The following SLC35F1 variants were observed in gnomAD, a reference collection of about 807,000 sequenced individuals.
SLC35F1 encodes the protein solute carrier family 35 member F1.
In SLC35F1, 14 loss-of-function variants were observed where a neutral mutation model predicts 48.7. That is an observed-to-expected ratio of 0.29 (90% CI 0.19 to 0.45). The LOEUF is 0.45. SLC35F1 is among the 20% of genes least tolerant of loss of function. The pLI, the probability that SLC35F1 is intolerant of heterozygous loss-of-function variation, is 1.00. For synonymous variants in SLC35F1, 190 were observed against 202.2 expected (o/e 0.94, Z 0.51); for missense variants, 404 against 500.0 (o/e 0.81, Z 1.83).
At chr6:118,206,932 A>G (rs1232427455) in intron 2 of SLC35F1, among the ~76,000 whole-genome samples, 1 of 151,860 alleles carries the variant, frequency 6.6e-6, no homozygotes, top group East Asian at 1.9e-4. Context: ...GAACAACTGA[A>G]TTGTCTTAGT....
chr6:118,211,824 A>T (rs770847857), intron 2 of SLC35F1, among the ~76,000 whole-genome samples: 11 of 152,216 alleles, frequency 7.2e-5, no homozygotes, highest in Non-Finnish European at 1.6e-4. Flanking sequence ...TTGATGCATT[A>T]CCTAAATAAT....
chr6:117,956,572 T>C lies in SLC35F1; in HGVS notation c.173+48673T>C, dbSNP rs142395053. ...TTGATAAAACTCGAGGTTGAAAGCATGACTGTTCCTTTGTGTAAGTGCATC... is the reference window on the plus strand; with the variant it reads ...TTGATAAAACTCGAGGTTGAAAGCACGACTGTTCCTTTGTGTAAGTGCATC... On this transcript the variant is annotated intron_variant, in intron 1 of 7. Coordinates refer to ENST00000360388, the MANE Select transcript of SLC35F1 (RefSeq NM_001029858.4). Among the ~76,000 whole-genome samples the C allele has an allele frequency of 2.7e-3, 412 of 152,358 alleles. 1 individual carries two copies. The highest frequency in any genetic ancestry group is 9.7e-3 in the African/African-American group (402 of 41,588).
intron 2 of SLC35F1, among the ~76,000 whole-genome samples, chr6:118,181,524 A>T (rs1284942809): frequency 6.6e-6 from 1 of 152,128 alleles, no homozygotes; most frequent in Non-Finnish European, 1.5e-5. Flanking sequence ...GAGAAGGGAA[A>T]ATGTGCAGCA....
intron 2 of SLC35F1, among the ~76,000 whole-genome samples, chr6:118,204,301 C>T (rs756213415): frequency 1.3e-5 from 2 of 151,898 alleles, no homozygotes; most frequent in African/African-American, 2.4e-5. Context: ...GAGTGATACA[C>T]GATGAAGACG....
intron 2 of SLC35F1, among the ~76,000 whole-genome samples, chr6:118,223,209 G>A (rs982956909): frequency 1.3e-5 from 2 of 152,148 alleles, no homozygotes; most frequent in African/African-American, 4.8e-5. Flanking sequence ...TTTTTATGGT[G>A]AATACTTTAT....
chr6:118,228,193 A>T (rs1486950748), intron 2 of SLC35F1, among the ~76,000 whole-genome samples: 1 of 152,216 alleles, frequency 6.6e-6, no homozygotes, highest in Non-Finnish European at 1.5e-5. Context: ...TCTGTATTTC[A>T]TCCTTCACTC....
chr6:118,273,403 T>C (rs1334473925), intron 4 of SLC35F1, among the ~76,000 whole-genome samples: 2 of 152,134 alleles, frequency 1.3e-5, no homozygotes, highest in Non-Finnish European at 2.9e-5. Flanking sequence ...TAACCAAGAG[T>C]TATATTATGC....
chr6:118,014,977 A>G (rs1376622629), intron 1 of SLC35F1, among the ~76,000 whole-genome samples: 2 of 152,184 alleles, frequency 1.3e-5, no homozygotes, highest in Non-Finnish European at 2.9e-5. Flanking sequence ...GGAGGGACCC[A>G]GCTAAAGATA....
At chr6:118,265,168 G>T (rs1177418150) in intron 3 of SLC35F1, among the ~76,000 whole-genome samples, 1 of 152,208 alleles carries the variant, frequency 6.6e-6, no homozygotes, top group Admixed American at 6.5e-5. Flanking sequence ...AAAGCTTTGG[G>T]GATAGAGGGG....
chr6:118,153,384 A>G (rs985095058), intron 1 of SLC35F1, among the ~76,000 whole-genome samples: 3 of 152,252 alleles, frequency 2.0e-5, no homozygotes, highest in African/African-American at 7.2e-5. Context: ...GTGAACATGT[A>G]TCGAAACATG....
Position 118,049,533 on chromosome 6 carries a change from C to G in SLC35F1, c.174-104912C>G, listed in dbSNP as rs530170890. On this transcript the variant is annotated intron_variant, in intron 1 of 7. Coordinates refer to ENST00000360388, the MANE Select transcript of SLC35F1 (RefSeq NM_001029858.4). ...AAATTTACAAGAAAAAAACAAACAA[C>G]CCCATCAAAAAGTGGGCAAAGGATA... Among the ~76,000 whole-genome samples, 49 of 151,838 alleles carry G rather than the reference C, an allele frequency of 3.2e-4. No individual in the cohort carries two copies. The East Asian group carries it at 8.7e-3, about 27-fold the overall frequency.
chr6:118,012,582 T>G (rs1001654331), intron 1 of SLC35F1, among the ~76,000 whole-genome samples: 6 of 152,170 alleles, frequency 3.9e-5, no homozygotes, highest in African/African-American at 1.4e-4. Flanking sequence ...TTGCTAAGTG[T>G]CTCCTGGCAA....
chr6:118,141,750 G>A (rs205971), intron 1 of SLC35F1, among the ~76,000 whole-genome samples: 121,210 of 152,026 alleles, frequency 0.8, 48,518 homozygotes, highest in South Asian at 0.9. Flanking sequence ...ACATATGAAT[G>A]TTGGGAAGAA....
intron 2 of SLC35F1, among the ~76,000 whole-genome samples, chr6:118,213,279 T>C (rs989283671): frequency 1.3e-5 from 2 of 152,228 alleles, no homozygotes; most frequent in African/African-American, 4.8e-5. Context: ...TTTTTTCTAG[T>C]CTTTATCACA....
intron 1 of SLC35F1, among the ~76,000 whole-genome samples, chr6:117,949,851 C>T (rs11754631): frequency 0.57 from 86,589 of 151,860 alleles, 26,793 homozygotes; most frequent in South Asian, 0.81. Flanking sequence ...CTCTCTGTCT[C>T]GGGGATAACT....
At chr6:117,923,668 C>T (rs1460910240) in intron 1 of SLC35F1, among the ~76,000 whole-genome samples, 1 of 32,724 alleles carries the variant, frequency 3.1e-5, no homozygotes, top group African/African-American at 1.5e-4. Context: ...TGTATATATA[C>T]ATATATGTAC....
intron 1 of SLC35F1, among the ~76,000 whole-genome samples, chr6:117,948,149 T>A (rs564103623): frequency 2.0e-5 from 3 of 152,352 alleles, no homozygotes; most frequent in Admixed American, 1.3e-4. Flanking sequence ...CAGGAAAATG[T>A]TCATAAATGA....
chr6:118,286,700 A>C (rs1389446109), intron 7 of SLC35F1, among the ~76,000 whole-genome samples: 1 of 152,098 alleles, frequency 6.6e-6, no homozygotes, highest in Non-Finnish European at 1.5e-5. Flanking sequence ...TGATTTTTGG[A>C]TGTATGTATA....
intron 1 of SLC35F1, among the ~76,000 whole-genome samples, chr6:118,141,901 C>T (rs1773895866): frequency 6.6e-6 from 1 of 152,150 alleles, no homozygotes; most frequent in Non-Finnish European, 1.5e-5. Context: ...CTGGAGTGTA[C>T]ATTTATGTTC....
Sources: allele counts gnomAD v4.1 joint callset (sites outside exome capture counted in the v4.1 genomes callset), GRCh38; gene constraint gnomAD v4.1.1; transcripts MANE v1.5; gene names NCBI Gene and HGNC (gene_info 2026-07-23, HGNC 2026-07-21).